The following CALN1 variants were observed in gnomAD, a reference collection of about 807,000 sequenced individuals.
CALN1 encodes the protein calcium-binding protein 8.
Under a neutral mutation model 30.6 loss-of-function variants are expected in CALN1, and 17 were observed. That is an observed-to-expected ratio of 0.56 (90% CI 0.38 to 0.83). The LOEUF is 0.83. Ranked by LOEUF, CALN1 falls within the 40% of genes least tolerant of loss-of-function variation. The pLI is 0.00. For synonymous variants in CALN1, 156 were observed against 131.4 expected (o/e 1.19, Z -1.28); for missense variants, 291 against 354.9 (o/e 0.82, Z 1.45).
chr7:72,137,559 A>T (rs1809597997), intron 3 of CALN1, among the ~76,000 whole-genome samples: 1 of 152,240 alleles, frequency 6.6e-6, no homozygotes, highest in Non-Finnish European at 1.5e-5. Flanking sequence ...AAACAAAACA[A>T]AACAAAAAAA....
chr7:72,375,407 T>C (rs943307080), intron 2 of CALN1, among the ~76,000 whole-genome samples: 1 of 151,154 alleles, frequency 6.6e-6, no homozygotes, highest in Non-Finnish European at 1.5e-5. Context: ...TGCAAAAAAA[T>C]AAAACAGATT....
At chr7:71,847,399 T>C (rs1054041384) in intron 5 of CALN1, among the ~76,000 whole-genome samples, 5 of 152,030 alleles carry the variant, frequency 3.3e-5, no homozygotes, top group Middle Eastern at 3.4e-3. Context: ...CTTGTAATCC[T>C]AGCAGTTTGG....
chr7:71,930,379 A>C (rs988627708), intron 5 of CALN1, among the ~76,000 whole-genome samples: 16 of 152,014 alleles, frequency 1.1e-4, no homozygotes, highest in Admixed American at 9.8e-4. Context: ...TCTTAGGAAA[A>C]CTGTATTTTT....
At chr7:72,413,079 G>A (rs1245096891), upstream of CALN1, among the ~76,000 whole-genome samples, 1 of 152,100 alleles carries the variant, frequency 6.6e-6, no homozygotes, top group Non-Finnish European at 1.5e-5. Flanking sequence ...TGGACGCCCT[G>A]GCAGAGATCA....
At chr7:71,922,069 G>A (rs1410281776) in intron 5 of CALN1, among the ~76,000 whole-genome samples, 1 of 152,230 alleles carries the variant, frequency 6.6e-6, no homozygotes, top group Non-Finnish European at 1.5e-5. Context: ...CCTGCCCTCA[G>A]GGAGCTTACT....
chr7:72,257,496 C>T (rs569682089), intron 3 of CALN1, among the ~76,000 whole-genome samples: 1 of 152,302 alleles, frequency 6.6e-6, no homozygotes, highest in Non-Finnish European at 1.5e-5. Context: ...AAAGGGAACA[C>T]TTCCAACGCT....
At chr7:72,363,659 T>C (rs976484151) in intron 2 of CALN1, among the ~76,000 whole-genome samples, 4 of 152,018 alleles carry the variant, frequency 2.6e-5, no homozygotes, top group Admixed American at 2.6e-4. Flanking sequence ...CAGGCATTCA[T>C]TGGTGGGAAT....
intron 3 of CALN1, among the ~76,000 whole-genome samples, chr7:72,262,999 A>C (rs905833026): frequency 1.8e-4 from 28 of 152,302 alleles, no homozygotes; most frequent in African/African-American, 6.7e-4. Flanking sequence ...AGGCATTTAC[A>C]TTGTGAAGTG....
intron 3 of CALN1, among the ~76,000 whole-genome samples, chr7:72,222,153 G>A (rs1793351573): frequency 6.6e-6 from 1 of 151,986 alleles, no homozygotes; most frequent in Non-Finnish European, 1.5e-5. Flanking sequence ...TTAAACCTGA[G>A]AGGCAGAGAT....
intron 4 of CALN1, among the ~76,000 whole-genome samples, chr7:72,053,848 C>G (rs1803000556): frequency 6.6e-6 from 1 of 151,382 alleles, no homozygotes; most frequent in Non-Finnish European, 1.5e-5. Flanking sequence ...CCATCGCGTC[C>G]TCATAGCTTA....
At chr7:72,436,166 TA>T (rs1011043269) in intron 1 of CALN1, among the ~76,000 whole-genome samples, 3 of 152,230 alleles carry the variant, frequency 2.0e-5, no homozygotes, top group Admixed American at 2.0e-4. Context: ...ACACTGCTGA[TA>T]TGGTTTGGCT....
chr7:72,232,217 C>A (rs560526105), intron 3 of CALN1, among the ~76,000 whole-genome samples: 1 of 152,156 alleles, frequency 6.6e-6, no homozygotes, highest in African/African-American at 2.4e-5. Flanking sequence ...AGATTTGGGC[C>A]AAGAGCTTAG....
At chr7:72,475,685 A>G in the CALN1 span, among the ~76,000 whole-genome samples, 1 of 152,170 alleles carries the variant, frequency 6.6e-6, no homozygotes, top group Non-Finnish European at 1.5e-5. Flanking sequence ...GCTCAAGATT[A>G]TCTGAAAATT....
chr7:71,936,149 T>G (rs757027767), intron 5 of CALN1, among the ~76,000 whole-genome samples: 17 of 152,156 alleles, frequency 1.1e-4, no homozygotes, highest in Non-Finnish European at 2.1e-4. Context: ...TTTGATTTCA[T>G]AATAAACAGC....
chr7:71,978,060 G>T (rs536334421), intron 5 of CALN1, among the ~76,000 whole-genome samples: 1 of 151,572 alleles, frequency 6.6e-6, no homozygotes, highest in East Asian at 2.0e-4. Context: ...TCCAAGCAAA[G>T]TGTAGGCTCA....
At chr7:72,431,958 A>G (rs932184426) in intron 1 of CALN1, among the ~76,000 whole-genome samples, 2 of 152,074 alleles carry the variant, frequency 1.3e-5, no homozygotes, top group African/African-American at 4.8e-5. Flanking sequence ...AGCCAGTCCT[A>G]TTAAACTCCT....
intron 3 of CALN1, among the ~76,000 whole-genome samples, chr7:72,226,237 A>T (rs889404586): frequency 6.6e-6 from 1 of 151,798 alleles, no homozygotes; most frequent in African/African-American, 2.4e-5. Flanking sequence ...AAGAGTGAAA[A>T]TCTGTCTCAA....
intron 2 of CALN1, among the ~76,000 whole-genome samples, chr7:72,287,083 CAG>C (rs1467202687): frequency 2.0e-5 from 3 of 152,076 alleles, no homozygotes; most frequent in Non-Finnish European, 4.4e-5. Context: ...TTCAAAGAAA[CAG>C]AAATTTTACC....
chr7:71,963,510 G>A (rs1033809110), intron 5 of CALN1, among the ~76,000 whole-genome samples: 2 of 151,744 alleles, frequency 1.3e-5, no homozygotes, highest in Admixed American at 6.6e-5. Context: ...TTGCCATGTT[G>A]GCCAGGCTGG....
Sources: gnomAD v4.1 joint callset for allele counts (sites outside exome capture counted in the v4.1 genomes callset) on GRCh38, gnomAD v4.1.1 for gene constraint, MANE v1.5 for transcripts, NCBI Gene and HGNC (gene_info 2026-07-23, HGNC 2026-07-21) for gene names.